INTS8: variants seen among roughly 807,000 people sequenced by gnomAD.
INTS8 encodes the protein integrator complex subunit 8.
INTS8 carries 47 observed loss-of-function variants against 138.9 expected under a neutral mutation model. The observed-to-expected ratio is 0.34, with a 90% confidence interval of 0.27 to 0.43. The LOEUF is 0.43. INTS8 is among the 20% of genes least tolerant of loss of function. The probability of loss-of-function intolerance (pLI) is 1.00; values close to 1 mark genes in which losing one functional copy is unlikely to be tolerated. For missense variants in INTS8, 996 were observed against 1,173.0 expected, an observed-to-expected ratio of 0.85 and a Z score of 2.20; for synonymous variants, 392 against 400.9, an observed-to-expected ratio of 0.98 and a Z score of 0.27.
At position 94,881,514 on chromosome 8, in the gene INTS8, T is replaced by A. The variant is rs1816811170; in HGVS notation, c.*1280T>A. Reference sequence around the variant, plus strand: ...TTTAAAATCAGAATGGCAGTGTAACTTGTGAATTGGCTAGGGCAATCAATC... The same window carrying A: ...TTTAAAATCAGAATGGCAGTGTAACATGTGAATTGGCTAGGGCAATCAATC... On this transcript the variant is annotated 3_prime_UTR_variant, in exon 27 of 27. Coordinates refer to ENST00000523731, the MANE Select transcript of INTS8 (RefSeq NM_017864.4). 3.3e-6 allele frequency: 3 copies of A among 917,378 alleles called. No individual in the cohort carries two copies. Among genetic ancestry groups the A allele is most frequent in the Non-Finnish European group, 4.9e-6 (3 of 612,574 alleles). 56.8% of individuals were successfully genotyped at this position (917,378 alleles called of 1,614,324 possible). A position where few individuals can be genotyped will look rare whatever the true frequency, so the allele number is the denominator to read the frequency against.
At chr8:94,853,270 C>T (rs1815617931) in intron 13 of INTS8, among the ~76,000 whole-genome samples, 1 of 152,150 alleles carries the variant, frequency 6.6e-6, no homozygotes, top group Non-Finnish European at 1.5e-5. Flanking sequence ...AGAGATCACG[C>T]CACTGCACTC....
rs1278153391 is a variant in INTS8 at position 94,825,733 on chromosome 8, A to G, written c.305+666A>G. On this transcript the variant is annotated intron_variant, in intron 2 of 26. Coordinates refer to ENST00000523731, the MANE Select transcript of INTS8 (RefSeq NM_017864.4). The stretch of plus-strand genomic sequence containing the variant: ...AAATAATTTCAAGCCTTTTATTAGA[A>G]AATGATTTATTATCATCCCCTTCTC... Among the ~76,000 whole-genome samples the G allele has an allele frequency of 2.6e-5, 4 of 152,310 alleles. No homozygotes were observed. In the East Asian group the frequency reaches 7.7e-4, roughly 29 times the overall value.
chr8:94,824,270 C>G (rs1465192748), intron 1 of INTS8, among the ~76,000 whole-genome samples: 2 of 152,202 alleles, frequency 1.3e-5, no homozygotes, highest in Non-Finnish European at 2.9e-5. Context: ...TGTTCAGTCT[C>G]AGACTGGCCT....
chr8:94,871,312 CAAA>C (rs777906965), intron 20 of INTS8, among the ~76,000 whole-genome samples: 7 of 138,848 alleles, frequency 5.0e-5, no homozygotes, highest in Non-Finnish European at 3.1e-5. Flanking sequence ...ACTAAAAATA[CAAA>C]AAAAAAAAAA....
chr8:94,832,012 T>C lies in INTS8; in HGVS notation c.591T>C (p.Asp197=). 6.2e-6 allele frequency: 10 copies of C among 1,601,222 alleles called. No individual in the cohort carries two copies. The highest frequency in any genetic ancestry group is 1.3e-5 in the African/African-American group (1 of 74,306). The part of the protein sequence containing the change: ...ILKVLKEQAA[D]SILVLEAALK... The stretch of plus-strand genomic sequence containing the variant: ...TGTAGCTCAAAGAACAAGCTGCTGA[T>C]TCTATTTTGGTACTAGAAGCAGCCC... The change falls in exon 6 of 27, where the codon GAT becomes GAC. Residue 197 remains aspartate (D), a synonymous_variant. Transcript: ENST00000523731.
rs1352598123 is a variant in INTS8, at chr8:94,858,172, A to T, written c.1954+1194A>T. The stretch of plus-strand genomic sequence containing the variant: ...TTCTGCTTTAGAAGTATTTAGAGCA[A>T]TTAAATCATACTGTACACATTTAAT... On this transcript the variant is annotated intron_variant, in intron 15 of 26. Transcript: ENST00000523731. Among the ~76,000 whole-genome samples, 4 of 152,258 alleles carry T rather than the reference A, an allele frequency of 2.6e-5. No homozygotes were observed. The East Asian group carries it at 7.7e-4, about 29-fold the overall frequency.
At chr8:94,841,793 C>T (rs780177054) in intron 9 of INTS8, among the ~76,000 whole-genome samples, 2 of 152,004 alleles carry the variant, frequency 1.3e-5, no homozygotes, top group Admixed American at 6.6e-5. Context: ...CAGGGCCGGG[C>T]GAGGTGTCTC....
intron 11 of INTS8, 89 bp from the exon 12 acceptor site, chr8:94,849,827 A>T: frequency 2.1e-6 from 2 of 957,192 alleles, no homozygotes; most frequent in Non-Finnish European, 3.1e-6. Context: ...GTGGCTTTTT[A>T]AATGGCTTAT....
Position 94,873,514 on chromosome 8 carries a change from A to G in INTS8, c.2637+37A>G, listed in dbSNP as rs200662837. On this transcript the variant is annotated intron_variant, in intron 22 of 26. Coordinates refer to ENST00000523731, the MANE Select transcript of INTS8 (RefSeq NM_017864.4). ...TCGTGGGCTGGCTGGTTTCTTGCCTACCTGTATATGTTCTTCCTGGGTCCC... is the reference window on the plus strand; with the variant it reads ...TCGTGGGCTGGCTGGTTTCTTGCCTGCCTGTATATGTTCTTCCTGGGTCCC... The G allele has an allele frequency of 4.5e-5, 60 of 1,328,912 alleles. No individual in the cohort carries two copies. In the Admixed American group the frequency reaches 1.0e-3, roughly 22 times the overall value. 82.3% of individuals were successfully genotyped at this position (1,328,912 alleles called of 1,614,324 possible).
At chr8:94,863,033 C>T (rs1370775282) in intron 16 of INTS8, among the ~76,000 whole-genome samples, 1 of 152,156 alleles carries the variant, frequency 6.6e-6, no homozygotes, top group East Asian at 1.9e-4. Flanking sequence ...AAGCATGTCA[C>T]TAAAATATAC....
chr8:94,880,253 CT>C lies in INTS8; in HGVS notation c.*23del, dbSNP rs774025691. 1.6e-4 allele frequency: 217 copies of C among 1,398,178 alleles called. 2 individuals carry two copies. The South Asian group carries it at 2.3e-3, about 15-fold the overall frequency. 86.6% of individuals were successfully genotyped at this position (1,398,178 alleles called of 1,614,324 possible). A position where few individuals can be genotyped will look rare whatever the true frequency, so the allele number is the denominator to read the frequency against. On this transcript the variant is annotated 3_prime_UTR_variant, in exon 27 of 27. Transcript: ENST00000523731. ...CTTTTAAGCAGTTAAATTTTTTTAA[CT>C]TTTATTTTTTAAACAATGGGCTAAA...
In INTS8 at chr8:94,881,625, A is replaced by T. The variant is rs1563678028; in HGVS notation, c.*1391A>T. 1 of 1,611,104 alleles carries T rather than the reference A, an allele frequency of 6.2e-7. No individual in the cohort carries two copies. The highest frequency in any genetic ancestry group is 1.3e-5 in the African/African-American group (1 of 74,592). Reference sequence around the variant, plus strand: ...TGAATTCCAACTTGTTTGCTTAGTTATCTTCTTTAGTGTTTTCCTGGTGGT... The same window carrying T: ...TGAATTCCAACTTGTTTGCTTAGTTTTCTTCTTTAGTGTTTTCCTGGTGGT... On this transcript the variant is annotated 3_prime_UTR_variant, in exon 27 of 27. Transcript: ENST00000523731.
intron 23 of INTS8, among the ~76,000 whole-genome samples, chr8:94,875,183 C>T (rs557100789): frequency 9.8e-4 from 149 of 152,304 alleles, no homozygotes; most frequent in Middle Eastern, 3.4e-3. Flanking sequence ...GTGTTCACAG[C>T]AGCATCATTC....
chr8:94,880,082 C>T lies in INTS8; in HGVS notation c.2872-36C>T, dbSNP rs147290461. 2.5e-5 allele frequency: 36 copies of T among 1,426,044 alleles called. No homozygotes were observed. In the African/African-American group the frequency reaches 4.5e-4, roughly 18 times the overall value. 88.3% of individuals were successfully genotyped at this position (1,426,044 alleles called of 1,614,324 possible). On this transcript the variant is annotated intron_variant, in intron 26 of 26. Transcript: ENST00000523731. The stretch of plus-strand genomic sequence containing the variant: ...TGTACCAACAAAACTTAATTTTTGA[C>T]ACACCTCTAATAACATCACTTTTCT...
intron 10 of INTS8, among the ~76,000 whole-genome samples, chr8:94,845,141 T>G (rs1815287139): frequency 6.6e-6 from 1 of 152,170 alleles, no homozygotes; most frequent in Admixed American, 6.5e-5. Context: ...GTGTGTTGTT[T>G]AAGAAAGCTT....
In INTS8 at chr8:94,829,000, G is replaced by A. The variant is rs1446345033; in HGVS notation, c.544G>A (p.Glu182Lys). 1 of 1,599,176 alleles carries A rather than the reference G, an allele frequency of 6.3e-7. No homozygotes were observed. Among genetic ancestry groups the A allele is most frequent in the Non-Finnish European group, 8.5e-7 (1 of 1,172,558 alleles). The change falls in exon 5 of 27, where the codon GAG (glutamate) becomes AAG (lysine). Residue 182 changes from glutamate to lysine, a missense_variant. By Grantham distance (56) the Glu-to-Lys change is moderately conservative. Coordinates refer to ENST00000523731, the MANE Select transcript of INTS8 (RefSeq NM_017864.4). ...TATGAATCAAATGCAACAGGAAAAA[G>A]AGCTAACAGAAAACATTTTGAAAGT... is the stretch of plus-strand genomic sequence containing the variant. ...SVMNQMQQEK[E>K]LTENILKVLK...
rs894254314 is a variant in INTS8 at position 94,850,032 on chromosome 8, A to G, written c.1448A>G (p.Lys483Arg). ...ERKLLVDQMR[K>R]RSPRVNLCIK... ...AAGCTACTTGTTGATCAGATGAGGA[A>G]GAGATCCCCTAGAGTAAATCTGTGC... Residue 483 changes from lysine (K) to arginine (R), a missense_variant, in exon 12 of 27, where the codon AAG (lysine) becomes AGG (arginine). Lys to Arg is a conservative substitution (Grantham distance 26, BLOSUM62 2). Coordinates refer to ENST00000523731, the MANE Select transcript of INTS8 (RefSeq NM_017864.4). 6.2e-7 allele frequency: 1 copy of G among 1,611,582 alleles called. No homozygotes were observed. The highest frequency in any genetic ancestry group is 1.6e-4 in the Middle Eastern group (1 of 6,062).
In INTS8 at chr8:94,881,732, T is replaced by C. The variant is rs781445918; in HGVS notation, c.*1498T>C. Reference sequence around the variant, plus strand: ...TCCCCCTTTTCTGAAGGTGTTTATGTAATTTACTTCCTCCTATACATGGGA... The same window carrying C: ...TCCCCCTTTTCTGAAGGTGTTTATGCAATTTACTTCCTCCTATACATGGGA... On this transcript the variant is annotated 3_prime_UTR_variant, in exon 27 of 27. Transcript: ENST00000523731. The C allele has an allele frequency of 5.0e-6, 8 of 1,613,906 alleles. No homozygotes were observed. The highest frequency in any genetic ancestry group is 1.7e-4 in the Middle Eastern group (1 of 6,058).
At position 94,856,770 on chromosome 8, in the gene INTS8, T is replaced by A. The variant is rs1389456074; in HGVS notation, c.1753-7T>A. 1 of 1,613,716 alleles carries A rather than the reference T, an allele frequency of 6.2e-7. No homozygotes were observed. Among genetic ancestry groups the A allele is most frequent in the South Asian group, 1.1e-5 (1 of 91,062 alleles). ...GGTGACCCAGGCTATTCTTTTTCTTTTCATAGGACTTTTCCCATGCTAAAC... is the reference window on the plus strand; with the variant it reads ...GGTGACCCAGGCTATTCTTTTTCTTATCATAGGACTTTTCCCATGCTAAAC... On this transcript the variant is annotated splice_region_variant and splice_polypyrimidine_tract_variant and intron_variant, in intron 14 of 26. Coordinates refer to ENST00000523731, the MANE Select transcript of INTS8 (RefSeq NM_017864.4).
Sources: gnomAD v4.1 joint callset for allele counts (sites outside exome capture counted in the v4.1 genomes callset) on GRCh38, gnomAD v4.1.1 for gene constraint, MANE v1.5 for transcripts, NCBI Gene and HGNC (gene_info 2026-07-23, HGNC 2026-07-21) for gene names.